Variants in MYO1D observed in about 807,000 individuals in gnomAD.
MYO1D encodes the protein myosin ID, also known as unconventional myosin-Id.
In MYO1D, 83 loss-of-function variants were observed where a neutral mutation model predicts 122.0. That is an observed-to-expected ratio of 0.68 (90% CI 0.57 to 0.82). The LOEUF (loss-of-function observed/expected upper bound fraction) is 0.82. Among genes scored for constraint, MYO1D ranks in the 40% least tolerant of loss-of-function variants. MYO1D has a pLI of 0.00. For missense variants in MYO1D, 1,157 were observed against 1,269.5 expected, an observed-to-expected ratio of 0.91 and a Z score of 1.35; for synonymous variants, 464 against 446.9, an observed-to-expected ratio of 1.04 and a Z score of -0.48.
intron 21 of MYO1D, among the ~76,000 whole-genome samples, chr17:32,579,209 A>G (rs2087305999): frequency 6.6e-6 from 1 of 152,050 alleles, no homozygotes; most frequent in African/African-American, 2.4e-5. Flanking sequence ...CTGGGACTAC[A>G]GGTGTGTGCC....
At chr17:32,765,102 AT>A (rs754820111) in intron 7 of MYO1D, 21 bp from the exon 8 acceptor site, 4 of 1,569,574 alleles carry the variant, frequency 2.5e-6, no homozygotes, top group East Asian at 4.5e-5. Flanking sequence ...AGTGAAAAAA[AT>A]AACACATTAT....
intron 11 of MYO1D, among the ~76,000 whole-genome samples, chr17:32,751,024 T>C (rs555025863): frequency 1.1e-4 from 16 of 152,350 alleles, no homozygotes; most frequent in Non-Finnish European, 1.9e-4. Flanking sequence ...TACATTTGGA[T>C]ACTGCAAAGT....
intron 12 of MYO1D, among the ~76,000 whole-genome samples, chr17:32,746,722 A>G (rs1001490570): frequency 6.6e-6 from 1 of 152,180 alleles, no homozygotes; most frequent in African/African-American, 2.4e-5. Flanking sequence ...AAAAATCCAG[A>G]AAAGGATTGA....
At chr17:32,601,444 T>C (rs187843478) in intron 21 of MYO1D, among the ~76,000 whole-genome samples, 1 of 152,320 alleles carries the variant, frequency 6.6e-6, no homozygotes. Flanking sequence ...TTAAGTCTGT[T>C]GTCCTACATG....
chr17:32,670,110 G>A (rs1322539217), intron 16 of MYO1D, among the ~76,000 whole-genome samples: 1 of 151,964 alleles, frequency 6.6e-6, no homozygotes, highest in Admixed American at 6.6e-5. Context: ...AAGCCAGGCT[G>A]GTTTCGAATT....
At chr17:32,677,492 G>A (rs1221387110) in intron 16 of MYO1D, among the ~76,000 whole-genome samples, 1 of 150,938 alleles carries the variant, frequency 6.6e-6, no homozygotes, top group Non-Finnish European at 1.5e-5. Context: ...CAATAAGAAG[G>A]GTTAATATTT....
At chr17:32,818,109 GA>G (rs1273229754) in intron 1 of MYO1D, among the ~76,000 whole-genome samples, 8 of 63,368 alleles carry the variant, frequency 1.3e-4, no homozygotes, top group African/African-American at 4.3e-4. Flanking sequence ...CTGGGCGACA[GA>G]GCGAGACTCC....
intron 16 of MYO1D, among the ~76,000 whole-genome samples, chr17:32,685,327 A>G (rs1388748329): frequency 6.6e-6 from 1 of 152,238 alleles, no homozygotes; most frequent in Non-Finnish European, 1.5e-5. Context: ...TGAACTAGAT[A>G]CCCAAGCTCA....
chr17:32,559,010 A>C (rs2087094053), intron 21 of MYO1D, among the ~76,000 whole-genome samples: 1 of 152,260 alleles, frequency 6.6e-6, no homozygotes, highest in South Asian at 2.1e-4. Context: ...ATAGCCTAGC[A>C]CAGACTAAGG....
At chr17:32,861,457 T>A (rs914718608) in intron 1 of MYO1D, among the ~76,000 whole-genome samples, 1 of 151,884 alleles carries the variant, frequency 6.6e-6, no homozygotes, top group Non-Finnish European at 1.5e-5. Flanking sequence ...CATTCAGCCA[T>A]CTCCCAGACC....
intron 19 of MYO1D, among the ~76,000 whole-genome samples, chr17:32,647,576 A>G (rs2088312810): frequency 6.6e-6 from 1 of 152,104 alleles, no homozygotes; most frequent in Non-Finnish European, 1.5e-5. Flanking sequence ...CTGATTATTA[A>G]TTTGATTTTC....
chr17:32,576,858 C>T (rs1253051640), intron 21 of MYO1D, among the ~76,000 whole-genome samples: 1 of 151,980 alleles, frequency 6.6e-6, no homozygotes, highest in Admixed American at 6.5e-5. Context: ...ATCTTTTTTT[C>T]AAATAGAGAT....
chr17:32,531,575 G>C (rs538524454), intron 21 of MYO1D: 1 of 152,184 alleles, frequency 6.6e-6, no homozygotes, highest in African/African-American at 2.4e-5. Flanking sequence ...GTTGGAAAAA[G>C]ATTCTATAAA....
chr17:32,722,406 G>A (rs778894477), intron 14 of MYO1D, among the ~76,000 whole-genome samples: 4 of 152,206 alleles, frequency 2.6e-5, no homozygotes, highest in Non-Finnish European at 5.9e-5. Context: ...GGGAGCTCCA[G>A]AAGAAAACCC....
intron 21 of MYO1D, among the ~76,000 whole-genome samples, chr17:32,544,005 C>T (rs555177325): frequency 1.8e-4 from 28 of 152,148 alleles, no homozygotes; most frequent in African/African-American, 5.8e-4. Flanking sequence ...GTTGGCCAGG[C>T]TGGTCTTGAC....
intron 21 of MYO1D, 77 bp downstream of exon 21, chr17:32,605,010 A>T (rs2087608756): frequency 7.3e-7 from 1 of 1,375,562 alleles, no homozygotes; most frequent in Non-Finnish European, 9.8e-7. Flanking sequence ...AATTGGCACA[A>T]AACAAGCTCA....
At chr17:32,600,424 C>T (rs1414730060) in intron 21 of MYO1D, among the ~76,000 whole-genome samples, 2 of 152,242 alleles carry the variant, frequency 1.3e-5, no homozygotes, top group Admixed American at 6.5e-5. Flanking sequence ...GCATCTTCTT[C>T]CAGTGTAAGG....
intron 14 of MYO1D, among the ~76,000 whole-genome samples, chr17:32,733,404 A>G (rs2089662902): frequency 6.6e-6 from 1 of 152,222 alleles, no homozygotes; most frequent in Non-Finnish European, 1.5e-5. Context: ...AGCTACCCAG[A>G]TAGTATGAGT....
At chr17:32,721,966 A>G (rs1201712094) in intron 14 of MYO1D, among the ~76,000 whole-genome samples, 1 of 152,216 alleles carries the variant, frequency 6.6e-6, no homozygotes, top group Non-Finnish European at 1.5e-5. Context: ...TCTTCTCTGA[A>G]TCTGTTATCT....
Sources: gnomAD v4.1 joint callset for allele counts (sites outside exome capture counted in the v4.1 genomes callset) on GRCh38, gnomAD v4.1.1 for gene constraint, MANE v1.5 for transcripts, NCBI Gene and HGNC (gene_info 2026-07-23, HGNC 2026-07-21) for gene names.